PNN: variants seen among roughly 807,000 people sequenced by gnomAD.
The protein encoded by PNN is pinin.
Under a neutral mutation model 76.6 loss-of-function variants are expected in PNN, and 38 were observed. The ratio of observed to expected loss-of-function variants is 0.50; its 90% CI spans 0.38 to 0.65. PNN has a LOEUF of 0.65. Ranked by LOEUF, PNN falls within the 30% of genes least tolerant of loss-of-function variation. The pLI is 0.00. For synonymous variants in PNN, 366 were observed against 283.7 expected (o/e 1.29, Z -2.91); for missense variants, 873 against 874.1 (o/e 1.00, Z 0.02).
In PNN at chr14:39,181,989, A is replaced by G. The variant is rs532; in HGVS notation, c.*126A>G. 0.22 allele frequency: 199,780 copies of G among 913,312 alleles called. 23,061 individuals carry two copies. The highest frequency in any genetic ancestry group is 0.29 in the Middle Eastern group (1,272 of 4,382). The allele number at this position is 913,312 out of a possible 1,614,324, so 56.6% of individuals were successfully genotyped here. On this transcript the variant is annotated 3_prime_UTR_variant, in exon 9 of 9. Transcript: ENST00000216832. ...CATGTTGTAAAAAATCTTTTTGGAAAATACAGACTGTTTGTTTACCAGACA... is the reference window on the plus strand; with the variant it reads ...CATGTTGTAAAAAATCTTTTTGGAAGATACAGACTGTTTGTTTACCAGACA...
intron 8 of PNN, 122 bp from the exon 9 acceptor site, chr14:39,180,381 G>C (rs2053260276): frequency 1.9e-6 from 2 of 1,041,756 alleles, no homozygotes; most frequent in African/African-American, 3.2e-5. Context: ...ATAATCTTTT[G>C]TCATAACTTT....
chr14:39,177,995 T>TA (rs1446006742), intron 6 of PNN, 79 bp downstream of exon 6: 6 of 979,182 alleles, frequency 6.1e-6, no homozygotes, highest in Non-Finnish European at 8.0e-6. Flanking sequence ...AAAAAATCCT[T>TA]AAAGCTCTTT....
In PNN at chr14:39,176,249, T is replaced by C. The variant is rs1219606650; in HGVS notation, c.185+100T>C. On this transcript the variant is annotated intron_variant, in intron 2 of 8. Coordinates refer to ENST00000216832, the MANE Select transcript of PNN (RefSeq NM_002687.4). ...TGTGATAAAATCAATAACCCAGTGT[T>C]TGTCGTCTTTGTTTTGTTTAATGTT... The C allele has an allele frequency of 1.1e-5, 8 of 734,092 alleles. No individual in the cohort carries two copies. The East Asian group carries it at 2.0e-4, about 18-fold the overall frequency. 45.5% of individuals were successfully genotyped at this position (734,092 alleles called of 1,614,324 possible). A position where few individuals can be genotyped will look rare whatever the true frequency, so the allele number is the denominator to read the frequency against.
chr14:39,176,465 C>A, intron 2 of PNN, 62 bp from the exon 3 acceptor site: 1 of 1,254,620 alleles, frequency 8.0e-7, no homozygotes, highest in South Asian at 1.3e-5. Context: ...ATTCTCTTGT[C>A]AAATGGAAAT....
intron 4 of PNN, 43 bp from the exon 5 acceptor site, chr14:39,177,550 A>G (rs1566557583): frequency 6.3e-7 from 1 of 1,591,900 alleles, no homozygotes; most frequent in Non-Finnish European, 8.6e-7. Flanking sequence ...AAAGCACACC[A>G]CTCATATGCT....
chr14:39,179,379 C>G lies in PNN; in HGVS notation c.710C>G (p.Thr237Arg). ...AKIIKYIRTK[T>R]KPHLFYIPGR... ...ATAATTAAATATATAAGAACTAAGA[C>G]AAAGCCCCATTTGTTTTATATTCCT... Residue 237 changes from threonine to arginine, a missense_variant, in exon 8 of 9, where the codon ACA becomes AGA. By Grantham distance (71) the Thr-to-Arg change is moderately conservative (BLOSUM62 -1). This residue lies in a region of PNN where 712 missense variants were observed against 693.1 expected (regional missense o/e 1.03). Coordinates refer to ENST00000216832, the MANE Select transcript of PNN (RefSeq NM_002687.4). 3 of 1,611,426 alleles carry G rather than the reference C, an allele frequency of 1.9e-6. No individual in the cohort carries two copies. Among genetic ancestry groups the G allele is most frequent in the Non-Finnish European group, 2.5e-6 (3 of 1,177,710 alleles).
In PNN at chr14:39,175,288, C is replaced by A. The variant is rs2053210179; in HGVS notation, c.9C>A (p.Val3=). The change falls in exon 1 of 9, where the codon GTC becomes GTA. Residue 3 remains valine, a synonymous_variant. Transcript: ENST00000216832. The stretch of plus-strand genomic sequence containing the variant: ...CCTGCCGCAGGGAGAAGATGGCGGT[C>A]GCCGTGAGAACTTTGCAGGAACAGC... MA[V]AVRTLQEQLE... is the part of the protein sequence containing the mutation. 5 of 1,597,758 alleles carry A rather than the reference C, an allele frequency of 3.1e-6. No individual in the cohort carries two copies. Among genetic ancestry groups the A allele is most frequent in the South Asian group, 2.2e-5 (2 of 90,042 alleles).
In PNN at chr14:39,176,033, G is replaced by A. The variant is rs1369277893; in HGVS notation, c.114-45G>A. The A allele has an allele frequency of 4.0e-6, 4 of 1,003,026 alleles. No homozygotes were observed. In the African/African-American group the frequency reaches 4.8e-5, roughly 12 times the overall value. The allele number at this position is 1,003,026 out of a possible 1,614,324, so 62.1% of individuals were successfully genotyped here. A position where few individuals can be genotyped will look rare whatever the true frequency, so the allele number is the denominator to read the frequency against. ...TCTGAAAGTATTTGGGTGCGACTGT[G>A]TGTGTCTACATATGATTTTGCACTG... On this transcript the variant is annotated intron_variant, in intron 1 of 8. Transcript: ENST00000216832.
rs1238361115 is a variant in PNN at position 39,179,253 on chromosome 14, G to A, written c.654+7G>A. On this transcript the variant is annotated splice_region_variant and intron_variant, in intron 7 of 8. Coordinates refer to ENST00000216832, the MANE Select transcript of PNN (RefSeq NM_002687.4). ...AGTTGAGCTTGCGCAGCTGGTGAGTGGTAATTTGGAATTCTAAGATTGGTA... is the reference window on the plus strand; with the variant it reads ...AGTTGAGCTTGCGCAGCTGGTGAGTAGTAATTTGGAATTCTAAGATTGGTA... The A allele has an allele frequency of 1.2e-6, 2 of 1,610,322 alleles. No homozygotes were observed. The highest frequency in any genetic ancestry group is 1.3e-5 in the African/African-American group (1 of 74,586).
Position 39,182,825 on chromosome 14 carries a change from A to G in PNN, c.*962A>G, listed in dbSNP as rs1246045230. Reference sequence around the variant, plus strand: ...ATCTAGGTTTTAATATGTAAGCAAGATAACACACAAGTGTACCAAGTGATT... The same window carrying G: ...ATCTAGGTTTTAATATGTAAGCAAGGTAACACACAAGTGTACCAAGTGATT... On this transcript the variant is annotated 3_prime_UTR_variant, in exon 9 of 9. Coordinates refer to ENST00000216832, the MANE Select transcript of PNN (RefSeq NM_002687.4). 3 of 152,698 alleles carry G rather than the reference A, an allele frequency of 2.0e-5. No individual in the cohort carries two copies. Among genetic ancestry groups the G allele is most frequent in the Admixed American group, 2.0e-4 (3 of 15,284 alleles). The allele number at this position is 152,698 out of a possible 1,614,324, so 9.5% of individuals were successfully genotyped here. A position where few individuals can be genotyped will look rare whatever the true frequency, so the allele number is the denominator to read the frequency against.
At position 39,181,118 on chromosome 14, in the gene PNN, C is replaced by G; in HGVS notation, c.1409C>G (p.Pro470Arg). 1.9e-6 allele frequency: 3 copies of G among 1,612,984 alleles called. No homozygotes were observed. Among genetic ancestry groups the G allele is most frequent in the Non-Finnish European group, 2.5e-6 (3 of 1,179,000 alleles). Residue 470 changes from proline to arginine, a missense_variant, in exon 9 of 9, where the codon CCT (proline) becomes CGT (arginine). By Grantham distance (103) the Pro-to-Arg change is moderately radical. Around this residue, in one of 3 missense-constraint regions of PNN, gnomAD observed 712 missense variants for 693.1 expected, o/e 1.03. Transcript: ENST00000216832. ...EKEEKESEPQ[P>R]EPVAQPQPQS... ...GAAGAAAAAGAATCTGAGCCCCAAC[C>G]TGAGCCTGTGGCTCAACCTCAGCCT...
intron 3 of PNN, 122 bp downstream of exon 3, chr14:39,176,717 G>GCCC: frequency 1.5e-6 from 1 of 647,004 alleles, no homozygotes. Context: ...GCCACTCCCT[G>GCCC]CCCCCCCCAA....
chr14:39,179,408 A>C lies in PNN; in HGVS notation c.739A>C (p.Arg247=). 6.2e-7 allele frequency: 1 copy of C among 1,613,028 alleles called. No homozygotes were observed. Among genetic ancestry groups the C allele is most frequent in the South Asian group, 1.1e-5 (1 of 91,056 alleles). Residue 247 remains arginine (R), a synonymous_variant, in exon 8 of 9, where the codon AGA becomes CGA. Coordinates refer to ENST00000216832, the MANE Select transcript of PNN (RefSeq NM_002687.4). ...TKPHLFYIPG[R]MCPATQKLIE... is the part of the protein sequence containing the mutation. Reference sequence around the variant, plus strand: ...GCCCCATTTGTTTTATATTCCTGGAAGAATGTGTCCAGCTACCCAAAAACT... The same window carrying C: ...GCCCCATTTGTTTTATATTCCTGGACGAATGTGTCCAGCTACCCAAAAACT...
intron 8 of PNN, 117 bp downstream of exon 8, chr14:39,179,579 T>C (rs1050732475): frequency 5.5e-6 from 4 of 728,808 alleles, no homozygotes; most frequent in Non-Finnish European, 7.9e-6. Context: ...TGTGTTTGCT[T>C]TTTTTTTTTA....
chr14:39,181,994 A>G lies in PNN; in HGVS notation c.*131A>G, dbSNP rs950108033. On this transcript the variant is annotated 3_prime_UTR_variant, in exon 9 of 9. Transcript: ENST00000216832. ...TGTAAAAAATCTTTTTGGAAAATAC[A>G]GACTGTTTGTTTACCAGACATTCTT... is the stretch of plus-strand genomic sequence containing the variant. The G allele has an allele frequency of 4.1e-5, 35 of 852,650 alleles. No individual in the cohort carries two copies. Among genetic ancestry groups the G allele is most frequent in the Non-Finnish European group, 5.7e-5 (33 of 579,472 alleles). 52.8% of individuals were successfully genotyped at this position (852,650 alleles called of 1,614,324 possible).
intron 3 of PNN, 118 bp downstream of exon 3, chr14:39,176,713 C>T: frequency 1.5e-6 from 1 of 658,552 alleles, no homozygotes; most frequent in Non-Finnish European, 2.5e-6. Context: ...GTATGCCACT[C>T]CCTGCCCCCC....
chr14:39,179,177 G>T lies in PNN; in HGVS notation c.585G>T (p.Leu195=). The change falls in exon 7 of 9, where the codon CTG becomes CTT. Residue 195 remains leucine (L), a synonymous_variant. Coordinates refer to ENST00000216832, the MANE Select transcript of PNN (RefSeq NM_002687.4). ...AGGTTGAAAATGAAAGGAGAGAACT[G>T]TTTGAAGAGAGGCGTGCTAAACAGA... is the stretch of plus-strand genomic sequence containing the variant. ...RKQVENERRE[L]FEERRAKQTE... is the part of the protein sequence containing the mutation. The T allele has an allele frequency of 1.2e-6, 2 of 1,614,122 alleles. No homozygotes were observed. Among genetic ancestry groups the T allele is most frequent in the Non-Finnish European group, 1.7e-6 (2 of 1,179,994 alleles).
intron 6 of PNN, 82 bp from the exon 7 acceptor site, chr14:39,179,009 C>A: frequency 7.6e-7 from 1 of 1,310,984 alleles, no homozygotes; most frequent in Non-Finnish European, 1.1e-6. Context: ...AACTTTTTAT[C>A]ATAATTGAAC....
In PNN at chr14:39,181,520, G is replaced by A. The variant is rs143703988; in HGVS notation, c.1811G>A (p.Arg604His). 5 of 1,601,060 alleles carry A rather than the reference G, an allele frequency of 3.1e-6. No homozygotes were observed. The highest frequency in any genetic ancestry group is 2.2e-5 in the South Asian group (2 of 90,066). Reference sequence around the variant, plus strand: ...TCCAGCAGTGGAAGTAGTAGCAGTCGCAGTAGTTCCAGTAGCAGCTCCAGT... The same window carrying A: ...TCCAGCAGTGGAAGTAGTAGCAGTCACAGTAGTTCCAGTAGCAGCTCCAGT... ...SSSSSGSSSS[R>H]SSSSSSSSTS... The change falls in exon 9 of 9, where the codon CGC (arginine) becomes CAC (histidine). Residue 604 changes from arginine to histidine, a missense_variant. Arg to His is a conservative substitution (Grantham distance 29). Around this residue, in one of 3 missense-constraint regions of PNN, gnomAD observed 712 missense variants for 693.1 expected, o/e 1.03. Transcript: ENST00000216832.
Sources: gnomAD v4.1 joint callset for allele counts on GRCh38, gnomAD v4.1.1 for gene constraint, gnomAD v4.1.1 regional missense constraint, MANE v1.5 for transcripts, NCBI Gene and HGNC (gene_info 2026-07-23, HGNC 2026-07-21) for gene names.